NOD2: variants seen among roughly 807,000 people sequenced by gnomAD.
NOD2 encodes nucleotide binding oligomerization domain containing 2.
Under a neutral mutation model 90.9 loss-of-function variants are expected in NOD2, and 86 were observed. That is an observed-to-expected ratio of 0.95 (90% CI 0.79 to 1.13). The LOEUF (loss-of-function observed/expected upper bound fraction) is 1.13, where lower values mean the gene tolerates loss of function less well. NOD2 is among the 50% of genes most tolerant of loss of function. The probability of loss-of-function intolerance (pLI) is 0.00; values close to 1 mark genes in which losing one functional copy is unlikely to be tolerated. For missense variants in NOD2, 1,238 were observed against 1,283.8 expected, an observed-to-expected ratio of 0.96 and a Z score of 0.55; for synonymous variants, 581 against 554.6, an observed-to-expected ratio of 1.05 and a Z score of -0.67.
intron 2 of NOD2, among the ~76,000 whole-genome samples, chr16:50,704,287 A>C (rs1039394894): frequency 1.3e-4 from 20 of 152,118 alleles, no homozygotes; most frequent in Non-Finnish European, 2.6e-4. Context: ...TGTATCCTGA[A>C]TCCTATGGCC....
intron 7 of NOD2, among the ~76,000 whole-genome samples, chr16:50,721,417 T>C (rs1354330325): frequency 6.6e-6 from 1 of 151,942 alleles, no homozygotes; most frequent in Non-Finnish European, 1.5e-5. Flanking sequence ...TTGTTGTTTT[T>C]TTTTGCTTCG....
chr16:50,727,138 CAA>C (rs1184511634), intron 10 of NOD2, among the ~76,000 whole-genome samples: 208 of 86,914 alleles, frequency 2.4e-3, no homozygotes, highest in Admixed American at 4.8e-3. Flanking sequence ...ACTTCCATCT[CAA>C]AAAAAAAAAA....
At chr16:50,703,298 A>G (rs942473937) in intron 2 of NOD2, among the ~76,000 whole-genome samples, 5 of 152,154 alleles carry the variant, frequency 3.3e-5, no homozygotes, top group Admixed American at 3.3e-4. Context: ...GTATTGTTCT[A>G]TTTTGAAAAA....
chr16:50,707,776 A>C, intron 2 of NOD2, 79 bp from the exon 3 acceptor site: 2 of 940,340 alleles, frequency 2.1e-6, no homozygotes, highest in South Asian at 1.3e-5. Flanking sequence ...ATGCTTATGA[A>C]GTTGCAGTAA....
rs758631940 is a variant in NOD2, at chr16:50,710,866, G to T, written c.874G>T (p.Gly292Trp). The change falls in exon 4 of 12, where the codon GGG becomes TGG. Residue 292 changes from glycine to tryptophan, a missense_variant. Around this residue, in one of 3 missense-constraint regions of NOD2, gnomAD observed 567 missense variants for 577.3 expected, o/e 0.98. Transcript: ENST00000647318. ...GCGGCTGCACTTGCTGTGGGCTGCA[G>T]GGCAAGACTTCCAGGAATTTCTCTT... Reference protein sequence around the residue: ...LQRLHLLWAAGQDFQEFLFVF... With the variant: ...LQRLHLLWAAWQDFQEFLFVF... 5 of 1,613,994 alleles carry T rather than the reference G, an allele frequency of 3.1e-6. No homozygotes were observed. The highest frequency in any genetic ancestry group is 4.2e-6 in the Non-Finnish European group (5 of 1,180,048).
intron 2 of NOD2, among the ~76,000 whole-genome samples, chr16:50,706,746 G>A (rs1005307337): frequency 6.6e-6 from 1 of 151,284 alleles, no homozygotes; most frequent in Non-Finnish European, 1.5e-5. Context: ...ACCCAGGCTG[G>A]AGTGCAGTGG....
chr16:50,730,012 C>A, intron 11 of NOD2, 111 bp downstream of exon 11: 1 of 742,156 alleles, frequency 1.3e-6, no homozygotes, highest in South Asian at 1.5e-5. Flanking sequence ...CCTTCTGATT[C>A]TGACATTCAG....
chr16:50,707,517 A>G (rs1012272824), intron 2 of NOD2, among the ~76,000 whole-genome samples: 1 of 152,258 alleles, frequency 6.6e-6, no homozygotes, highest in Non-Finnish European at 1.5e-5. Context: ...TATTCAATCC[A>G]TGAGACTTGA....
chr16:50,729,516 G>A (rs771970044), intron 10 of NOD2, among the ~76,000 whole-genome samples: 2 of 152,362 alleles, frequency 1.3e-5, no homozygotes, highest in South Asian at 4.1e-4. Flanking sequence ...AAGAAGTGGT[G>A]TAGGTGGGAT....
chr16:50,697,303 C>T lies in NOD2; in HGVS notation c.-8-2185C>T, dbSNP rs144993105. The T allele has an allele frequency of 9.9e-5, 155 of 1,558,168 alleles. No homozygotes were observed. The highest frequency in any genetic ancestry group is 6.3e-4 in the African/African-American group (46 of 73,552). ...AGGAGGAAAGAGCAAGTGTCCTCCT[C>T]GGACATTCTCCGGGTAAGAGGAGCA... On this transcript the variant is annotated intron_variant, in intron 1 of 11. Coordinates refer to ENST00000647318, the MANE Select transcript of NOD2 (RefSeq NM_001370466.1).
intron 7 of NOD2, 127 bp from the exon 8 acceptor site, chr16:50,722,495 C>T (rs955325520): frequency 2.2e-6 from 2 of 922,674 alleles, no homozygotes; most frequent in Admixed American, 3.4e-5. Flanking sequence ...CCAGTGAGGC[C>T]ACTCTGGGAT....
intron 11 of NOD2, among the ~76,000 whole-genome samples, chr16:50,730,812 C>A (rs756189479): frequency 1.3e-5 from 2 of 152,192 alleles, no homozygotes; most frequent in African/African-American, 4.8e-5. Flanking sequence ...TTCCCATAAG[C>A]CTGTGACCCT....
At position 50,711,186 on chromosome 16, in the gene NOD2, C is replaced by A; in HGVS notation, c.1194C>A (p.Ser398Arg). The A allele has an allele frequency of 1.2e-6, 2 of 1,614,124 alleles. No homozygotes were observed. Among genetic ancestry groups the A allele is most frequent in the Non-Finnish European group, 1.7e-6 (2 of 1,180,036 alleles). Residue 398 changes from serine to arginine, a missense_variant, in exon 4 of 12, where the codon AGC (serine) becomes AGA (arginine). By Grantham distance (110) the Ser-to-Arg change is moderately radical. Coordinates refer to ENST00000647318, the MANE Select transcript of NOD2 (RefSeq NM_001370466.1). ...AGAATGCCCGCAAGGTGGTGACCAG[C>A]CGTCCGGCCGCTGTGTCGGCGTTCC... The part of the protein sequence containing the change: ...LLKNARKVVT[S>R]RPAAVSAFLR...
intron 7 of NOD2, among the ~76,000 whole-genome samples, chr16:50,721,395 G>A (rs917125254): frequency 6.7e-6 from 1 of 148,612 alleles, no homozygotes; most frequent in African/African-American, 2.5e-5. Flanking sequence ...TGTTTGTTTT[G>A]TTTTGTTTTT....
chr16:50,730,365 TTGCATTCTTGACA>T (rs1965412820), intron 11 of NOD2, among the ~76,000 whole-genome samples: 1 of 152,194 alleles, frequency 6.6e-6, no homozygotes, highest in Non-Finnish European at 1.5e-5. Context: ...AAAGCAAGAA[TTGCATTCTTGACA>T]GATTCTTTCA....
intron 11 of NOD2, 168 bp downstream of exon 11, chr16:50,730,069 GA>G (rs1485658313): frequency 1.1e-5 from 7 of 608,726 alleles, no homozygotes; most frequent in East Asian, 6.4e-5. Flanking sequence ...GTCTAAGAAA[GA>G]AGTCTTTACC....
chr16:50,712,626 C>G, intron 4 of NOD2: 1 of 573,066 alleles, frequency 1.7e-6, no homozygotes, highest in Non-Finnish European at 3.1e-6. Context: ...ATCTCTACAA[C>G]CACCCTGGCG....
chr16:50,722,864 G>A (rs1301227824), intron 8 of NOD2, among the ~76,000 whole-genome samples, 159 bp downstream of exon 8: 2 of 152,190 alleles, frequency 1.3e-5, no homozygotes, highest in East Asian at 1.9e-4. Flanking sequence ...GAGGACACTC[G>A]AGTCTTTCTG....
chr16:50,717,068 GC>G, intron 6 of NOD2, 94 bp downstream of exon 6: 1 of 1,034,824 alleles, frequency 9.7e-7, no homozygotes, highest in South Asian at 1.3e-5. Context: ...GCCCACACTG[GC>G]TCCTGACCTC....
Sources: gnomAD v4.1 joint callset for allele counts (sites outside exome capture counted in the v4.1 genomes callset) on GRCh38, gnomAD v4.1.1 for gene constraint, gnomAD v4.1.1 regional missense constraint, MANE v1.5 for transcripts, NCBI Gene and HGNC (gene_info 2026-07-23, HGNC 2026-07-21) for gene names.